The following PMEPA1 variants were observed in gnomAD, a reference collection of about 807,000 sequenced individuals.
PMEPA1 encodes the protein prostate transmembrane protein, androgen induced 1.
In PMEPA1, 11 loss-of-function variants were observed where a neutral mutation model predicts 23.0. That is an observed-to-expected ratio of 0.48 (90% CI 0.30 to 0.79). The LOEUF (loss-of-function observed/expected upper bound fraction) is 0.79, where lower values mean the gene tolerates loss of function less well. Ranked by LOEUF, PMEPA1 falls within the 30% of genes least tolerant of loss-of-function variation. The pLI is 0.06. For missense variants in PMEPA1, 377 were observed against 390.9 expected (o/e 0.96, Z 0.30); for synonymous variants, 204 against 166.4 (o/e 1.23, Z -1.74).
Position 57,671,722 on chromosome 20 carries a change from G to A in PMEPA1, c.110-12025C>T, listed in dbSNP as rs2071571145. The stretch of plus-strand genomic sequence containing the variant: ...AATCTACGCTGAGCTCTGAGCAGGG[G>A]AAACTGAGCTTGGAGCTGGATCATC... On this transcript the variant is annotated intron_variant, in intron 1 of 3. Transcript: ENST00000341744. Among the ~76,000 whole-genome samples the A allele has an allele frequency of 2.6e-5, 4 of 152,222 alleles. No individual in the cohort carries two copies. The South Asian group carries it at 8.3e-4, about 32-fold the overall frequency.
chr20:57,690,690 T>A, intron 1 of PMEPA1: 1 of 710,952 alleles, frequency 1.4e-6, no homozygotes, highest in Non-Finnish European at 2.0e-6. Flanking sequence ...TCGGTGCAGA[T>A]GAAGATCTGG....
chr20:57,685,193 C>T (rs916911839), intron 1 of PMEPA1, among the ~76,000 whole-genome samples: 3 of 151,946 alleles, frequency 2.0e-5, no homozygotes, highest in Non-Finnish European at 4.4e-5. Flanking sequence ...AGCTGCAAGC[C>T]GCAGTCACTC....
At chr20:57,664,771 C>A (rs571318141) in intron 1 of PMEPA1, among the ~76,000 whole-genome samples, 2 of 152,312 alleles carry the variant, frequency 1.3e-5, no homozygotes, top group Admixed American at 6.5e-5. Context: ...AAGCTGTGGT[C>A]CTTTAAGGCT....
chr20:57,680,812 A>C (rs1330596373), intron 1 of PMEPA1, among the ~76,000 whole-genome samples: 2 of 152,238 alleles, frequency 1.3e-5, no homozygotes, highest in Non-Finnish European at 2.9e-5. Context: ...TTGATCACCG[A>C]TCAACGCACA....
intron 1 of PMEPA1, among the ~76,000 whole-genome samples, chr20:57,668,725 G>T (rs778652897): frequency 2.6e-5 from 4 of 152,180 alleles, no homozygotes; most frequent in Admixed American, 2.0e-4. Context: ...AGTTCCCCTG[G>T]GCTCCTCCCC....
chr20:57,693,056 T>C (rs1163340667), intron 1 of PMEPA1, among the ~76,000 whole-genome samples: 4 of 152,208 alleles, frequency 2.6e-5, no homozygotes, highest in Non-Finnish European at 4.4e-5. Context: ...AAAACCACGA[T>C]GTTCACGCTT....
At chr20:57,701,757 G>T (rs532145268) in intron 1 of PMEPA1, among the ~76,000 whole-genome samples, 2 of 152,140 alleles carry the variant, frequency 1.3e-5, no homozygotes, top group Admixed American at 6.5e-5. Context: ...CTCACCCCCA[G>T]AATGAAGGTC....
intron 1 of PMEPA1, among the ~76,000 whole-genome samples, chr20:57,665,477 A>G (rs2071479491): frequency 6.9e-6 from 1 of 144,660 alleles, no homozygotes; most frequent in Non-Finnish European, 1.5e-5. Context: ...GTGCGCATCT[A>G]CCTCCTTGAG....
In PMEPA1 at chr20:57,689,919, G is replaced by A. The variant is rs536584455; in HGVS notation, c.109+19555C>T. Among the ~76,000 whole-genome samples the A allele has an allele frequency of 4.6e-5, 7 of 152,374 alleles. No individual in the cohort carries two copies. In the South Asian group the frequency reaches 8.3e-4, roughly 18 times the overall value. On this transcript the variant is annotated intron_variant, in intron 1 of 3. Coordinates refer to ENST00000341744, the MANE Select transcript of PMEPA1 (RefSeq NM_020182.5). ...GACACGGCGCTGCTGGGGCTGACGT[G>A]GGTCCCAGGGGCCAGTGGCTGCATC...
intron 1 of PMEPA1, among the ~76,000 whole-genome samples, chr20:57,698,064 T>G (rs927549102): frequency 6.6e-6 from 1 of 152,210 alleles, no homozygotes; most frequent in Non-Finnish European, 1.5e-5. Context: ...TCTGCATCTG[T>G]GGCTTATGAC....
chr20:57,657,111 C>G (rs117956198), intron 2 of PMEPA1, among the ~76,000 whole-genome samples: 1 of 152,126 alleles, frequency 6.6e-6, no homozygotes, highest in Non-Finnish European at 1.5e-5. Flanking sequence ...TCCCAGGTGC[C>G]GTCTCCTGCT....
At chr20:57,686,687 C>T (rs913385699) in intron 1 of PMEPA1, among the ~76,000 whole-genome samples, 6 of 152,270 alleles carry the variant, frequency 3.9e-5, no homozygotes, top group Non-Finnish European at 7.3e-5. Context: ...GCTCCTTCCC[C>T]CTCTCTGGGC....
intron 1 of PMEPA1, among the ~76,000 whole-genome samples, chr20:57,662,149 T>C (rs2071430895): frequency 6.6e-6 from 1 of 152,196 alleles, no homozygotes; most frequent in African/African-American, 2.4e-5. Context: ...CATGTGGCGA[T>C]GTCTGGAGCC....
intron 2 of PMEPA1, among the ~76,000 whole-genome samples, chr20:57,654,061 C>G (rs2071291858): frequency 6.6e-6 from 1 of 152,132 alleles, no homozygotes; most frequent in Non-Finnish European, 1.5e-5. Flanking sequence ...ACTGTGGCGC[C>G]AAGCTCTGGT....
intron 1 of PMEPA1, among the ~76,000 whole-genome samples, chr20:57,667,095 C>A (rs533056509): frequency 5.1e-4 from 77 of 152,334 alleles, no homozygotes; most frequent in Non-Finnish European, 8.7e-4. Flanking sequence ...AAGATGGTGG[C>A]TCCCACCTCC....
At chr20:57,666,009 C>G (rs747247550) in intron 1 of PMEPA1, among the ~76,000 whole-genome samples, 2 of 152,100 alleles carry the variant, frequency 1.3e-5, no homozygotes, top group South Asian at 4.1e-4. Flanking sequence ...GTGCTCATCA[C>G]TTGGAGGGCC....
intron 1 of PMEPA1, among the ~76,000 whole-genome samples, chr20:57,682,000 C>G (rs1410884407): frequency 6.6e-6 from 1 of 152,210 alleles, no homozygotes; most frequent in African/African-American, 2.4e-5. Context: ...GTCGAATCTC[C>G]TCCTCCGTTC....
At position 57,648,577 on chromosome 20, in the gene PMEPA1, T is replaced by C. The variant is rs1186854855; in HGVS notation, c.*3476A>G. On this transcript the variant is annotated 3_prime_UTR_variant, in exon 4 of 4. Transcript: ENST00000341744. ...CCCCGCATGCCACGGAAAGCTTACA[T>C]AAGTTTAACTTGAACAGAGCTTGGG... The C allele has an allele frequency of 6.6e-6, 1 of 152,574 alleles. No homozygotes were observed. The highest frequency in any genetic ancestry group is 1.5e-5 in the Non-Finnish European group (1 of 68,036). The allele number at this position is 152,574 out of a possible 1,614,324, so 9.5% of individuals were successfully genotyped here.
chr20:57,686,480 A>T (rs1405454206), intron 1 of PMEPA1, among the ~76,000 whole-genome samples: 1 of 152,088 alleles, frequency 6.6e-6, no homozygotes, highest in Non-Finnish European at 1.5e-5. Flanking sequence ...GACAAAGCCC[A>T]TCTCCACCAC....
Sources: allele counts gnomAD v4.1 joint callset (sites outside exome capture counted in the v4.1 genomes callset), GRCh38; gene constraint gnomAD v4.1.1; transcripts MANE v1.5; gene names NCBI Gene and HGNC (gene_info 2026-07-23, HGNC 2026-07-21).